The following PCDHGA2 variants were observed in gnomAD, a reference collection of about 807,000 sequenced individuals.
The protein encoded by PCDHGA2 is protocadherin gamma-A2.
PCDHGA2 carries 40 observed loss-of-function variants against 59.2 expected under a neutral mutation model. The observed-to-expected ratio is 0.68, with a 90% confidence interval of 0.52 to 0.88. The LOEUF is 0.88. Ranked by LOEUF, PCDHGA2 falls within the 40% of genes least tolerant of loss-of-function variation. The pLI is 0.00. For missense variants in PCDHGA2, 1,226 were observed against 1,204.0 expected (o/e 1.02, Z -0.27); for synonymous variants, 560 against 526.0 (o/e 1.06, Z -0.89).
At chr5:141,508,124 G>C (rs1248096612) in intron 3 of PCDHGA2, 1 of 152,640 alleles carries the variant, frequency 6.6e-6, no homozygotes, top group Non-Finnish European at 1.5e-5. Flanking sequence ...AGGACAGAGG[G>C]AGGTCAGGGA....
At chr5:141,425,363 A>C (rs2096870488) in intron 1 of PCDHGA2, among the ~76,000 whole-genome samples, 1 of 152,212 alleles carries the variant, frequency 6.6e-6, no homozygotes, top group Non-Finnish European at 1.5e-5. Context: ...TGATATTAAG[A>C]GGGTTATGTT....
chr5:141,437,116 GA>G (rs914218907), intron 1 of PCDHGA2, among the ~76,000 whole-genome samples: 4 of 152,150 alleles, frequency 2.6e-5, no homozygotes, highest in African/African-American at 9.7e-5. Flanking sequence ...GGATTTTTAG[GA>G]CACTTGTTGA....
At chr5:141,484,889 TC>T (rs1312115219) in intron 1 of PCDHGA2, 2 of 362,958 alleles carry the variant, frequency 5.5e-6, no homozygotes, top group Admixed American at 8.9e-5. Flanking sequence ...GTGGGCTTTT[TC>T]CCCTCCAATG....
chr5:141,433,508 A>G (rs2097615565), intron 1 of PCDHGA2, among the ~76,000 whole-genome samples: 1 of 152,068 alleles, frequency 6.6e-6, no homozygotes, highest in Non-Finnish European at 1.5e-5. Context: ...TGCTGGGATT[A>G]CAGGCGTGAA....
chr5:141,427,469 C>T lies in PCDHGA2; in HGVS notation c.2425-67338C>T, dbSNP rs116302471. The T allele has an allele frequency of 9.8e-3, 5,010 of 510,088 alleles. 35 individuals are homozygous for T. Among genetic ancestry groups the T allele is most frequent in the Non-Finnish European group, 0.012 (3,225 of 262,464 alleles). 31.6% of individuals were successfully genotyped at this position (510,088 alleles called of 1,614,324 possible). A position where few individuals can be genotyped will look rare whatever the true frequency, so the allele number is the denominator to read the frequency against. On this transcript the variant is annotated intron_variant, in intron 1 of 3. Coordinates refer to ENST00000394576, the MANE Select transcript of PCDHGA2 (RefSeq NM_018915.4). Reference sequence around the variant, plus strand: ...GAGTTCCTTTTAGAATCGAATCTTCCGCCAATAATGACTATAAGCTTGTAA... The same window carrying T: ...GAGTTCCTTTTAGAATCGAATCTTCTGCCAATAATGACTATAAGCTTGTAA...
chr5:141,393,043 T>C (rs770560068), intron 1 of PCDHGA2: 1 of 1,613,732 alleles, frequency 6.2e-7, no homozygotes, highest in South Asian at 1.1e-5. Context: ...CTCTTTGCTC[T>C]GAACCCGCGC....
At chr5:141,467,393 T>C (rs1409255781) in intron 1 of PCDHGA2, among the ~76,000 whole-genome samples, 3 of 152,124 alleles carry the variant, frequency 2.0e-5, no homozygotes, top group African/African-American at 7.2e-5. Flanking sequence ...TTTTAAGTCA[T>C]AGTTAGAAAG....
At chr5:141,357,326 C>T in intron 1 of PCDHGA2, 8 of 1,614,082 alleles carry the variant, frequency 5.0e-6, no homozygotes, top group Non-Finnish European at 6.8e-6. Context: ...GCTTTTGTCA[C>T]GGTGCTGCTA....
intron 1 of PCDHGA2, chr5:141,350,164 T>C (rs1588479597): frequency 1.7e-6 from 2 of 1,151,326 alleles, no homozygotes; most frequent in East Asian, 2.7e-5. Flanking sequence ...AGCGCCTAAC[T>C]AATAAGTCCT....
rs1020682392 is a variant in PCDHGA2 at position 141,371,814 on chromosome 5, G to A, written c.2424+30419G>A. 2.5e-6 allele frequency: 4 copies of A among 1,613,774 alleles called. No individual in the cohort carries two copies. In the East Asian group the frequency reaches 6.7e-5, roughly 27 times the overall value. Reference sequence around the variant, plus strand: ...TCCGCCTGGAGCCTCCATTGCGCATGTCAGAGCCTCGGATCCCGACTTGGG... The same window carrying A: ...TCCGCCTGGAGCCTCCATTGCGCATATCAGAGCCTCGGATCCCGACTTGGG... On this transcript the variant is annotated intron_variant, in intron 1 of 3. Transcript: ENST00000394576.
At chr5:141,503,363 G>A (rs2099819478) in intron 2 of PCDHGA2, among the ~76,000 whole-genome samples, 2 of 152,132 alleles carry the variant, frequency 1.3e-5, no homozygotes, top group East Asian at 1.9e-4. Context: ...TTGGGAAGCG[G>A]AGGCAGGTGG....
chr5:141,392,762 G>A lies in PCDHGA2; in HGVS notation c.2424+51367G>A, dbSNP rs1033759244. 8.8e-6 allele frequency: 13 copies of A among 1,478,030 alleles called. No individual in the cohort carries two copies. The African/African-American group carries it at 1.3e-4, about 14-fold the overall frequency. The allele number at this position is 1,478,030 out of a possible 1,614,324, so 91.6% of individuals were successfully genotyped here. ...ATAGCTGCGGCAAGAAACTAAATAA[G>A]ACCCATTTATGCACAGTGAAGATTC... On this transcript the variant is annotated intron_variant, in intron 1 of 3. Coordinates refer to ENST00000394576, the MANE Select transcript of PCDHGA2 (RefSeq NM_018915.4).
chr5:141,403,054 A>G, intron 1 of PCDHGA2: 6 of 1,614,062 alleles, frequency 3.7e-6, no homozygotes, highest in Non-Finnish European at 5.1e-6. Flanking sequence ...TTCGCTACTC[A>G]GTGCCTGAAG....
intron 1 of PCDHGA2, chr5:141,403,279 G>C (rs779882720): frequency 6.2e-7 from 1 of 1,613,900 alleles, no homozygotes. Flanking sequence ...TTAAAGTCCT[G>C]GTTGAAGACA....
At chr5:141,389,673 G>T (rs755380537) in intron 1 of PCDHGA2, 1 of 1,612,426 alleles carries the variant, frequency 6.2e-7, no homozygotes, top group South Asian at 1.1e-5. Context: ...CGCAGACTCA[G>T]GACACAACGC....
intron 1 of PCDHGA2, chr5:141,365,864 G>C (rs753111294): frequency 2.0e-5 from 32 of 1,613,886 alleles, no homozygotes; most frequent in Non-Finnish European, 8.5e-7. Context: ...CTCTGACACC[G>C]GTGTCCTGTA....
chr5:141,453,323 G>A (rs1313870724), intron 1 of PCDHGA2, among the ~76,000 whole-genome samples: 1 of 151,482 alleles, frequency 6.6e-6, no homozygotes, highest in Non-Finnish European at 1.5e-5. Context: ...TTTAGAGATG[G>A]GGTCTCACTA....
chr5:141,475,721 G>C (rs867365261), intron 1 of PCDHGA2, among the ~76,000 whole-genome samples: 5 of 152,248 alleles, frequency 3.3e-5, no homozygotes, highest in Non-Finnish European at 7.3e-5. Context: ...ACAGCCCCAA[G>C]GCTGGCTTTC....
Position 141,351,945 on chromosome 5 carries a change from C to T in PCDHGA2, c.2424+10550C>T, listed in dbSNP as rs781780297. 4.3e-6 allele frequency: 7 copies of T among 1,613,150 alleles called. No homozygotes were observed. The East Asian group carries it at 1.3e-4, about 31-fold the overall frequency. On this transcript the variant is annotated intron_variant, in intron 1 of 3. Transcript: ENST00000394576. ...AATGCGCCACGGGTGCTGTACCCCG[C>T]GCTGGGGCCTGATGGCTCCGCCCTC... is the stretch of plus-strand genomic sequence containing the variant.
Sources: gnomAD v4.1 joint callset for allele counts (sites outside exome capture counted in the v4.1 genomes callset) on GRCh38, gnomAD v4.1.1 for gene constraint, MANE v1.5 for transcripts, NCBI Gene and HGNC (gene_info 2026-07-23, HGNC 2026-07-21) for gene names.